The following HMGCLL1 variants were observed in gnomAD, a reference collection of about 807,000 sequenced individuals.
HMGCLL1 encodes 3-hydroxymethyl-3-methylglutaryl-CoA lyase, cytoplasmic.
HMGCLL1 carries 36 observed loss-of-function variants against 39.1 expected under a neutral mutation model. The ratio of observed to expected loss-of-function variants is 0.92; its 90% CI spans 0.71 to 1.22. The LOEUF (loss-of-function observed/expected upper bound fraction) is 1.22, where lower values mean the gene tolerates loss of function less well. Among genes scored for constraint, HMGCLL1 ranks in the 50% most tolerant of loss-of-function variants. The probability of loss-of-function intolerance (pLI) is 0.00; values close to 1 mark genes in which losing one functional copy is unlikely to be tolerated. For synonymous variants in HMGCLL1, 149 were observed against 144.0 expected (o/e 1.03, Z -0.25); for missense variants, 451 against 416.5 (o/e 1.08, Z -0.72).
At chr6:55,464,041 A>G (rs1162127503) in intron 7 of HMGCLL1, among the ~76,000 whole-genome samples, 1 of 152,158 alleles carries the variant, frequency 6.6e-6, no homozygotes, top group Non-Finnish European at 1.5e-5. Flanking sequence ...TAAATATTAA[A>G]TTGGTAAAGG....
intron 3 of HMGCLL1, among the ~76,000 whole-genome samples, chr6:55,518,587 T>C (rs1216768783): frequency 6.6e-6 from 1 of 152,106 alleles, no homozygotes; most frequent in Non-Finnish European, 1.5e-5. Context: ...GGATACAGCT[T>C]CCATATGGCT....
At chr6:55,620,902 T>C in the HMGCLL1 span, among the ~76,000 whole-genome samples, 1 of 152,182 alleles carries the variant, frequency 6.6e-6, no homozygotes, top group African/African-American at 2.4e-5. Context: ...ATGTTTGTTC[T>C]TGATACCTTT....
chr6:55,627,348 A>G, the HMGCLL1 span, among the ~76,000 whole-genome samples: 1 of 151,928 alleles, frequency 6.6e-6, no homozygotes, highest in African/African-American at 2.4e-5. Flanking sequence ...GACTTATGTA[A>G]TAGTATTTGG....
intron 3 of HMGCLL1, among the ~76,000 whole-genome samples, chr6:55,533,039 A>T (rs1768780138): frequency 6.6e-6 from 1 of 151,334 alleles, no homozygotes; most frequent in South Asian, 2.1e-4. Context: ...CTTAATCCCT[A>T]CTTAAAAACA....
chr6:55,552,345 A>C (rs1581939133), intron 1 of HMGCLL1, among the ~76,000 whole-genome samples: 1 of 152,054 alleles, frequency 6.6e-6, no homozygotes. Context: ...GTACAGGTGC[A>C]TCTTCTAGGC....
At chr6:55,525,878 C>CT (rs1768292731) in intron 3 of HMGCLL1, among the ~76,000 whole-genome samples, 1 of 151,832 alleles carries the variant, frequency 6.6e-6, no homozygotes, top group Non-Finnish European at 1.5e-5. Context: ...CACATAGACC[C>CT]TACAAAACAG....
chr6:55,465,159 G>C (rs2127399129), intron 7 of HMGCLL1, among the ~76,000 whole-genome samples: 1 of 152,114 alleles, frequency 6.6e-6, no homozygotes, highest in Admixed American at 6.6e-5. Flanking sequence ...CACATACCTG[G>C]TTTCTCCTAG....
In HMGCLL1 at chr6:55,439,573, C is replaced by A. The variant is rs748333297; in HGVS notation, c.796-14G>T. ...ATTAATTCCCATCTGGAAAACAAAC[C>A]AAACCACCTAAAGCTTGTGTGTTTA... is the stretch of plus-strand genomic sequence containing the variant. On this transcript the variant is annotated splice_polypyrimidine_tract_variant and intron_variant, in intron 7 of 8. Coordinates refer to ENST00000274901, the MANE Select transcript of HMGCLL1 (RefSeq NM_001042406.2). 1.2e-6 allele frequency: 2 copies of A among 1,610,920 alleles called. No individual in the cohort carries two copies. The highest frequency in any genetic ancestry group is 1.1e-5 in the South Asian group (1 of 90,744).
At chr6:55,550,409 C>G (rs1331608168) in intron 1 of HMGCLL1, among the ~76,000 whole-genome samples, 1 of 151,874 alleles carries the variant, frequency 6.6e-6, no homozygotes, top group Non-Finnish European at 1.5e-5. Flanking sequence ...ATATCAGCTC[C>G]TGGGATTCCT....
At chr6:55,527,795 T>C (rs2127446347) in intron 3 of HMGCLL1, among the ~76,000 whole-genome samples, 1 of 152,186 alleles carries the variant, frequency 6.6e-6, no homozygotes, top group East Asian at 1.9e-4. Context: ...ATACCAGTTT[T>C]GGTAAAATTT....
the HMGCLL1 span, among the ~76,000 whole-genome samples, chr6:55,632,904 C>T: frequency 6.6e-6 from 1 of 151,988 alleles, no homozygotes; most frequent in African/African-American, 2.4e-5. Context: ...GCTGGGGATA[C>T]TAGACCTATA....
intron 7 of HMGCLL1, among the ~76,000 whole-genome samples, chr6:55,445,771 T>C (rs547192509): frequency 8.7e-4 from 133 of 152,230 alleles, no homozygotes; most frequent in African/African-American, 3.0e-3. Flanking sequence ...TGTCTATTTT[T>C]GATTTTTGTT....
chr6:55,621,419 T>C, the HMGCLL1 span, among the ~76,000 whole-genome samples: 1 of 152,046 alleles, frequency 6.6e-6, no homozygotes, highest in Non-Finnish European at 1.5e-5. Flanking sequence ...GATTCATCTG[T>C]ATTTATAGCT....
chr6:55,568,187 T>C, intron 1 of HMGCLL1, among the ~76,000 whole-genome samples: 1 of 152,180 alleles, frequency 6.6e-6, no homozygotes, highest in Non-Finnish European at 1.5e-5. Context: ...AATATGGCTA[T>C]ATCTGAGAGA....
intron 3 of HMGCLL1, among the ~76,000 whole-genome samples, chr6:55,525,740 G>A (rs1408858006): frequency 2.6e-5 from 4 of 151,928 alleles, no homozygotes; most frequent in Non-Finnish European, 4.4e-5. Context: ...AAAAATCTCT[G>A]AGACTGTAAA....
At chr6:55,463,978 A>G (rs1225628224) in intron 7 of HMGCLL1, among the ~76,000 whole-genome samples, 1 of 152,198 alleles carries the variant, frequency 6.6e-6, no homozygotes, top group African/African-American at 2.4e-5. Context: ...TTAGACTGAA[A>G]TATTTTGATA....
At chr6:55,553,330 CG>C (rs2127466098) in intron 1 of HMGCLL1, among the ~76,000 whole-genome samples, 1 of 150,776 alleles carries the variant, frequency 6.6e-6, no homozygotes, top group East Asian at 2.0e-4. Context: ...CCCAGCTACT[CG>C]GGAGGTTGAG....
At chr6:55,626,590 G>A in the HMGCLL1 span, among the ~76,000 whole-genome samples, 2 of 151,982 alleles carry the variant, frequency 1.3e-5, no homozygotes, top group Non-Finnish European at 2.9e-5. Context: ...CATGGGTCCG[G>A]GAATCAAGGG....
rs201729825 is a variant in HMGCLL1 at position 55,564,197 on chromosome 6, AT to A, written c.108+14750del. On this transcript the variant is annotated intron_variant, in intron 1 of 8. Coordinates refer to ENST00000274901, the MANE Select transcript of HMGCLL1 (RefSeq NM_001042406.2). ...GTATGAGGACAACTGCCTTGTCATT[AT>A]TTTTTTCATACATTATCTTCTTTAT... 4.0e-3 allele frequency among the ~76,000 whole-genome samples: 601 copies of A among 151,870 alleles called. 5 individuals are homozygous for A. The highest frequency in any genetic ancestry group is 0.014 in the African/African-American group (581 of 41,420).
Sources: gnomAD v4.1 joint callset for allele counts (sites outside exome capture counted in the v4.1 genomes callset) on GRCh38, gnomAD v4.1.1 for gene constraint, MANE v1.5 for transcripts, NCBI Gene and HGNC (gene_info 2026-07-23, HGNC 2026-07-21) for gene names.